The following DARS2 variants were observed in gnomAD, a reference collection of about 807,000 sequenced individuals.
DARS2 encodes aspartyl-tRNA synthetase 2, mitochondrial.
A neutral mutation model predicts 83.0 loss-of-function variants in DARS2; 63 were observed. The observed-to-expected ratio is 0.76, with a 90% CI of 0.62 to 0.94. The LOEUF (loss-of-function observed/expected upper bound fraction) is 0.94. Ranked by LOEUF, DARS2 falls within the 40% of genes least tolerant of loss-of-function variation. The probability of loss-of-function intolerance (pLI) is 0.00; values close to 1 mark genes in which losing one functional copy is unlikely to be tolerated. For synonymous variants in DARS2, 250 were observed against 269.3 expected (o/e 0.93, Z 0.70); for missense variants, 675 against 774.4 (o/e 0.87, Z 1.52).
At chr1:173,833,866 C>T (rs908309081) in intron 6 of DARS2, among the ~76,000 whole-genome samples, 1 of 151,668 alleles carries the variant, frequency 6.6e-6, no homozygotes, top group African/African-American at 2.4e-5. Flanking sequence ...CTTAACCGAT[C>T]CTCCCACCAC....
intron 15 of DARS2, 51 bp downstream of exon 15, chr1:173,853,956 T>C: frequency 2.0e-6 from 3 of 1,495,562 alleles, no homozygotes; most frequent in Non-Finnish European, 2.8e-6. Context: ...CAGAATATTT[T>C]TCAGTTTTGT....
intron 12 of DARS2, among the ~76,000 whole-genome samples, chr1:173,847,626 T>C (rs1229750270): frequency 6.6e-6 from 1 of 152,178 alleles, no homozygotes; most frequent in African/African-American, 2.4e-5. Context: ...TAAAGAACCA[T>C]TAATGATGAA....
intron 13 of DARS2, chr1:173,851,957 A>G: frequency 1.0e-6 from 1 of 985,400 alleles, no homozygotes. Context: ...TTCTTAAAAA[A>G]GAACATGGGA....
chr1:173,828,316 C>CGG lies in DARS2; in HGVS notation c.228-17_228-16insGG. The CGG allele has an allele frequency of 9.2e-7, 1 of 1,081,580 alleles. No individual in the cohort carries two copies. Among genetic ancestry groups the CGG allele is most frequent in the Non-Finnish European group, 1.4e-6 (1 of 738,932 alleles). 67.0% of individuals were successfully genotyped at this position (1,081,580 alleles called of 1,614,324 possible). On this transcript the variant is annotated splice_polypyrimidine_tract_variant and intron_variant, in intron 2 of 16. Coordinates refer to ENST00000649689, the MANE Select transcript of DARS2 (RefSeq NM_018122.5). ...TTTTATCTTAAAATGTTTCTTTTCC[C>CGG]CCCCCCCATTAATCAGGCAAAACAC... is the stretch of plus-strand genomic sequence containing the variant.
Position 173,853,855 on chromosome 1 carries a change from C to T in DARS2, c.1624C>T (p.Arg542Ter), listed in dbSNP as rs369071620. 1.5e-5 allele frequency: 24 copies of T among 1,614,018 alleles called. No homozygotes were observed. The highest frequency in any genetic ancestry group is 1.6e-4 in the Middle Eastern group (1 of 6,084). ...NGNEIGGGSI[R>*]IHNAELQRYI... ...CAATGAAATAGGAGGTGGTTCAATT[C>T]GAATTCACAATGCAGAGCTGCAGCG... is the stretch of plus-strand genomic sequence containing the variant. Residue 542 changes from arginine (R) to a stop codon, truncating the protein, a stop_gained, in exon 15 of 17, where the codon CGA becomes TGA. Transcript: ENST00000649689. LOFTEE classifies it high-confidence loss of function.
intron 1 of DARS2, among the ~76,000 whole-genome samples, chr1:173,825,937 C>A (rs1010737480): frequency 1.4e-5 from 2 of 147,152 alleles, no homozygotes; most frequent in African/African-American, 5.4e-5. Flanking sequence ...AAAAATCCTT[C>A]TTCGGCCGGG....
Position 173,846,157 on chromosome 1 carries a change from CA to C in DARS2, c.1191+881del, listed in dbSNP as rs1226953002. 4.1e-3 allele frequency among the ~76,000 whole-genome samples: 546 copies of C among 132,190 alleles called. 2 individuals are homozygous for C. The highest frequency in any genetic ancestry group is 8.1e-3 in the African/African-American group (291 of 35,796). The allele number at this position is 132,190 out of a possible 152,430, so 86.7% of individuals were successfully genotyped here. A position where few individuals can be genotyped will look rare whatever the true frequency, so the allele number is the denominator to read the frequency against. ...TGGACGACAGAGCAAGACTCTGTCT[CA>C]AAAAAAAAAAAAAATGCAAAAATGT... On this transcript the variant is annotated intron_variant, in intron 12 of 16. Coordinates refer to ENST00000649689, the MANE Select transcript of DARS2 (RefSeq NM_018122.5).
intron 12 of DARS2, among the ~76,000 whole-genome samples, chr1:173,846,755 C>T (rs943118457): frequency 6.6e-6 from 1 of 151,946 alleles, no homozygotes; most frequent in Non-Finnish European, 1.5e-5. Context: ...GTGTTCACCC[C>T]ACCGCACTCC....
chr1:173,838,799 G>A (rs974695337), intron 9 of DARS2, among the ~76,000 whole-genome samples: 3 of 151,970 alleles, frequency 2.0e-5, no homozygotes, highest in Admixed American at 6.6e-5. Flanking sequence ...GCAGTGGCGC[G>A]GTCTCAGCTC....
Position 173,841,500 on chromosome 1 carries a change from T to C in DARS2, c.1128+527T>C, listed in dbSNP as rs138779546. Among the ~76,000 whole-genome samples, 112 of 152,068 alleles carry C rather than the reference T, an allele frequency of 7.4e-4. 2 individuals are homozygous for C. The East Asian group carries it at 0.021, about 29-fold the overall frequency. ...AGATCCGGGGTGTTTTTCTTTTTTC[T>C]TTTTTTTCCCCCCTTTTAAACAATG... is the stretch of plus-strand genomic sequence containing the variant. On this transcript the variant is annotated intron_variant, in intron 11 of 16. Coordinates refer to ENST00000649689, the MANE Select transcript of DARS2 (RefSeq NM_018122.5).
chr1:173,845,125 T>C (rs1358161795), intron 11 of DARS2, 104 bp from the exon 12 acceptor site: 6 of 781,688 alleles, frequency 7.7e-6, no homozygotes, highest in Admixed American at 5.9e-5. Context: ...AATCTTACTA[T>C]TGTAATAGAA....
chr1:173,853,326 A>G, intron 13 of DARS2, 23 bp from the exon 14 acceptor site: 4 of 1,607,116 alleles, frequency 2.5e-6, no homozygotes, highest in Non-Finnish European at 3.4e-6. Flanking sequence ...AGTTAACTCA[A>G]TGTTTACGTC....
At chr1:173,850,754 C>T (rs1042925376) in intron 13 of DARS2, among the ~76,000 whole-genome samples, 8 of 151,820 alleles carry the variant, frequency 5.3e-5, no homozygotes, top group Non-Finnish European at 1.2e-4. Context: ...TACAGGCGCA[C>T]GCTGCCATAC....
At chr1:173,836,862 T>C (rs1001371500) in intron 7 of DARS2, 78 bp from the exon 8 acceptor site, 1 of 1,163,000 alleles carries the variant, frequency 8.6e-7, no homozygotes, top group African/African-American at 1.5e-5. Context: ...AGTAACAACT[T>C]CTACTAGTTA....
chr1:173,834,718 C>T (rs1256006682), intron 7 of DARS2, among the ~76,000 whole-genome samples, 199 bp downstream of exon 7: 5 of 23,906 alleles, frequency 2.1e-4, no homozygotes, highest in Non-Finnish European at 4.2e-4. Context: ...ATTTTCTTTC[C>T]TTTGAGTTTT....
At chr1:173,830,622 A>T (rs1160760644) in intron 3 of DARS2, 38 bp from the exon 4 acceptor site, 3 of 1,521,174 alleles carry the variant, frequency 2.0e-6, no homozygotes, top group Non-Finnish European at 2.7e-6. Flanking sequence ...CTGTAAGTTC[A>T]TTTGTTTCTC....
At chr1:173,837,119 A>C in intron 8 of DARS2, 73 bp downstream of exon 8, 1 of 1,314,102 alleles carries the variant, frequency 7.6e-7, no homozygotes, top group Non-Finnish European at 1.1e-6. Context: ...GAAACACAAA[A>C]TCCTCTCTGT....
chr1:173,850,980 G>T (rs950323480), intron 13 of DARS2, among the ~76,000 whole-genome samples: 1 of 151,892 alleles, frequency 6.6e-6, no homozygotes, highest in Non-Finnish European at 1.5e-5. Flanking sequence ...GCTAACGCCT[G>T]TAATCCCAGC....
intron 9 of DARS2, among the ~76,000 whole-genome samples, chr1:173,839,096 G>T (rs1461133233): frequency 1.3e-5 from 2 of 152,150 alleles, no homozygotes; most frequent in African/African-American, 4.8e-5. Flanking sequence ...GGACAGACCT[G>T]GGATCAGATG....
Sources: allele counts gnomAD v4.1 joint callset (sites outside exome capture counted in the v4.1 genomes callset), GRCh38; gene constraint gnomAD v4.1.1; transcripts MANE v1.5; gene names NCBI Gene and HGNC (gene_info 2026-07-23, HGNC 2026-07-21).